Variants in TRDN observed in about 807,000 individuals in gnomAD.
TRDN encodes triadin in skeletal muscle.
In TRDN, 161 loss-of-function variants were observed where a neutral mutation model predicts 149.7. The ratio of observed to expected loss-of-function variants is 1.08; its 90% CI spans 0.95 to 1.23. The LOEUF (loss-of-function observed/expected upper bound fraction) is 1.23, where lower values mean the gene tolerates loss of function less well. TRDN is among the 50% of genes most tolerant of loss of function. The probability of loss-of-function intolerance (pLI) is 0.00; values close to 1 mark genes in which losing one functional copy is unlikely to be tolerated. For synonymous variants in TRDN, 294 were observed against 250.5 expected (o/e 1.17, Z -1.64); for missense variants, 896 against 823.5 (o/e 1.09, Z -1.08).
At chr6:123,524,374 A>C (rs1305465460) in intron 5 of TRDN, among the ~76,000 whole-genome samples, 2 of 134,896 alleles carry the variant, frequency 1.5e-5, no homozygotes, top group Non-Finnish European at 3.3e-5. Context: ...TTCAAATATC[A>C]AAATTAATTA....
At chr6:123,331,986 C>G in intron 22 of TRDN, 57 bp from the exon 23 acceptor site, 1 of 1,330,670 alleles carries the variant, frequency 7.5e-7, no homozygotes, top group South Asian at 1.4e-5. Flanking sequence ...TTTCAGATAC[C>G]TATAAATGAA....
chr6:123,519,141 T>C (rs1779549739), intron 5 of TRDN, among the ~76,000 whole-genome samples: 1 of 152,162 alleles, frequency 6.6e-6, no homozygotes, highest in South Asian at 2.1e-4. Context: ...TAGAGTTTAA[T>C]TTGTTTGTCA....
chr6:123,292,629 C>T (rs951592309), intron 24 of TRDN, among the ~76,000 whole-genome samples: 1 of 152,158 alleles, frequency 6.6e-6, no homozygotes, highest in African/African-American at 2.4e-5. Context: ...AGATCAACTA[C>T]AACCAAAATG....
intron 2 of TRDN, among the ~76,000 whole-genome samples, chr6:123,559,832 C>T (rs1333884291): frequency 2.0e-5 from 3 of 152,170 alleles, no homozygotes; most frequent in African/African-American, 7.2e-5. Context: ...ACTCTCCTAT[C>T]CTCAATACCT....
At chr6:123,267,419 TAATACTGACAACAGTGA>T (rs1432889626) in intron 32 of TRDN, among the ~76,000 whole-genome samples, 1 of 152,136 alleles carries the variant, frequency 6.6e-6, no homozygotes, top group Non-Finnish European at 1.5e-5. Context: ...TAAATTATAT[TAATACTGACAACAGTGA>T]AATACTGAAT....
At position 123,433,882 on chromosome 6, in the gene TRDN, T is replaced by C. The variant is rs564963430; in HGVS notation, c.1051+4181A>G. 8 of 152,328 alleles carry C rather than the reference T, an allele frequency of 5.3e-5. No homozygotes were observed. The South Asian group carries it at 1.0e-3, about 20-fold the overall frequency. 9.4% of individuals were successfully genotyped at this position (152,328 alleles called of 1,614,324 possible). On this transcript the variant is annotated intron_variant, in intron 12 of 40. Coordinates refer to ENST00000334268, the MANE Select transcript of TRDN (RefSeq NM_006073.4). ...ATATTTTGCCCAGGTTATAATTGTT[T>C]TGTTATGAGACAAGTCAACTTGTTA...
intron 10 of TRDN, among the ~76,000 whole-genome samples, chr6:123,446,363 G>T (rs543360585): frequency 3.3e-5 from 5 of 151,846 alleles, no homozygotes; most frequent in Non-Finnish European, 7.4e-5. Flanking sequence ...ATGTGCACGT[G>T]TACCCTAAAA....
chr6:123,628,377 C>T (rs546981786), intron 1 of TRDN, among the ~76,000 whole-genome samples: 85 of 152,108 alleles, frequency 5.6e-4, no homozygotes, highest in African/African-American at 2.0e-3. Flanking sequence ...AGTCAGAACA[C>T]ACATATTTAT....
intron 8 of TRDN, among the ~76,000 whole-genome samples, 162 bp from the exon 9 acceptor site, chr6:123,497,414 A>G (rs1244633829): frequency 6.6e-6 from 1 of 152,148 alleles, no homozygotes; most frequent in Admixed American, 6.5e-5. Context: ...GAAAATACAG[A>G]AGGAAAGAAA....
chr6:123,444,864 T>C (rs1195160624), intron 10 of TRDN: 1 of 152,238 alleles, frequency 6.6e-6, no homozygotes, highest in Non-Finnish European at 1.5e-5. Context: ...ATTCCAGGGA[T>C]GAAGCCCACT....
intron 10 of TRDN, chr6:123,456,800 A>G (rs193073461): frequency 2.5e-4 from 113 of 455,972 alleles, no homozygotes; most frequent in Admixed American, 1.3e-3. Context: ...TACTCCATCT[A>G]TGTAAAATAC....
At chr6:123,384,701 T>C (rs965978202) in intron 14 of TRDN, among the ~76,000 whole-genome samples, 1 of 152,168 alleles carries the variant, frequency 6.6e-6, no homozygotes, top group African/African-American at 2.4e-5. Flanking sequence ...AAACACGATA[T>C]GAAGTCCAGG....
At chr6:123,575,814 G>A (rs1782825888) in intron 1 of TRDN, among the ~76,000 whole-genome samples, 1 of 152,036 alleles carries the variant, frequency 6.6e-6, no homozygotes, top group Admixed American at 6.6e-5. Context: ...ACCTCATGAT[G>A]CCTTATCGAT....
At chr6:123,220,234 T>C (rs776058688) in intron 40 of TRDN, among the ~76,000 whole-genome samples, 3 of 151,882 alleles carry the variant, frequency 2.0e-5, no homozygotes, top group Non-Finnish European at 2.9e-5. Context: ...TACAGAAAGA[T>C]ACCACATATC....
chr6:123,572,664 A>G (rs1782643921), intron 1 of TRDN, among the ~76,000 whole-genome samples: 1 of 152,136 alleles, frequency 6.6e-6, no homozygotes, highest in Admixed American at 6.6e-5. Flanking sequence ...ACTTAAGGGA[A>G]AATAAAACTC....
intron 12 of TRDN, among the ~76,000 whole-genome samples, chr6:123,436,844 T>C (rs1164387323): frequency 1.3e-5 from 2 of 152,098 alleles, no homozygotes; most frequent in East Asian, 3.9e-4. Context: ...ATTAGGTTTT[T>C]ACCCCATATA....
At chr6:123,282,593 T>C (rs1319798779) in intron 24 of TRDN, among the ~76,000 whole-genome samples, 1 of 151,904 alleles carries the variant, frequency 6.6e-6, no homozygotes, top group Non-Finnish European at 1.5e-5. Context: ...CTAAAGCCTA[T>C]ATATTATGTG....
At chr6:123,342,893 TA>T (rs1418898861) in intron 21 of TRDN, among the ~76,000 whole-genome samples, 1 of 152,056 alleles carries the variant, frequency 6.6e-6, no homozygotes, top group Non-Finnish European at 1.5e-5. Flanking sequence ...AGGGACTAGG[TA>T]GCCTAACACA....
At chr6:123,447,129 T>C (rs375514868) in intron 10 of TRDN, among the ~76,000 whole-genome samples, 1 of 152,200 alleles carries the variant, frequency 6.6e-6, no homozygotes, top group East Asian at 1.9e-4. Flanking sequence ...TGACTTTTCT[T>C]TAGTGATAGC....
Sources: allele counts gnomAD v4.1 joint callset (sites outside exome capture counted in the v4.1 genomes callset), GRCh38; gene constraint gnomAD v4.1.1; transcripts MANE v1.5; gene names NCBI Gene and HGNC (gene_info 2026-07-23, HGNC 2026-07-21).